AKAP7: variants seen among roughly 807,000 people sequenced by gnomAD.
AKAP7 encodes the protein A kinase (PRKA) anchor protein 7.
In AKAP7, 39 loss-of-function variants were observed where a neutral mutation model predicts 39.5. The ratio of observed to expected loss-of-function variants is 0.99; its 90% CI spans 0.76 to 1.29. The LOEUF is 1.29. Ranked by LOEUF, AKAP7 falls within the 50% of genes most tolerant of loss-of-function variation. The pLI is 0.00. For missense variants in AKAP7, 414 were observed against 407.7 expected (o/e 1.02, Z -0.13); for synonymous variants, 140 against 139.1 (o/e 1.01, Z -0.05).
At chr6:131,160,326 A>G in intron 3 of AKAP7, 128 bp downstream of exon 3, 1 of 903,684 alleles carries the variant, frequency 1.1e-6, no homozygotes, top group Non-Finnish European at 1.7e-6. Context: ...AGGACTGTCC[A>G]GGGAATATTT....
In AKAP7 at chr6:131,281,610, G is replaced by C; in HGVS notation, c.931G>C (p.Ala311Pro). ...KRLVENAVLK[A>P]VQQYLEETQN... ...GCTGGTGGAGAACGCGGTGCTCAAGGCTGTCCAGCAGTATCTGGAGGAAAC... is the reference window on the plus strand; with the variant it reads ...GCTGGTGGAGAACGCGGTGCTCAAGCCTGTCCAGCAGTATCTGGAGGAAAC... Residue 311 changes from alanine (A) to proline (P), a missense_variant, in exon 8 of 8, where the codon GCT (alanine) becomes CCT (proline). Coordinates refer to ENST00000431975, the MANE Select transcript of AKAP7 (RefSeq NM_016377.4). The surrounding 1 kb of genome is among the most constrained non-coding windows in gnomAD (Gnocchi z 4.0). The C allele has an allele frequency of 6.2e-7, 1 of 1,613,642 alleles. No homozygotes were observed. The highest frequency in any genetic ancestry group is 8.5e-7 in the Non-Finnish European group (1 of 1,179,796).
At chr6:131,268,379 CACTT>C (rs954996880) in intron 7 of AKAP7, among the ~76,000 whole-genome samples, 10 of 152,152 alleles carry the variant, frequency 6.6e-5, no homozygotes, top group African/African-American at 2.4e-4. Flanking sequence ...GGAAGAATGA[CACTT>C]AATTTACCTC....
rs1313775619 is a variant in AKAP7 at position 131,282,100 on chromosome 6, A to T, written c.*374A>T. The T allele has an allele frequency of 1.3e-5, 15 of 1,148,658 alleles. No individual in the cohort carries two copies. The highest frequency in any genetic ancestry group is 1.5e-5 in the Non-Finnish European group (14 of 935,912). 71.2% of individuals were successfully genotyped at this position (1,148,658 alleles called of 1,614,324 possible). On this transcript the variant is annotated 3_prime_UTR_variant, in exon 8 of 8. Transcript: ENST00000431975. The stretch of plus-strand genomic sequence containing the variant: ...GCTTAGCAGGGCATTTGACTACTTT[A>T]TCTGAGGCCAGAACTCTCACACACA...
Position 131,276,350 on chromosome 6 carries a change from A to G in AKAP7, c.851-5180A>G, listed in dbSNP as rs140352388. Among the ~76,000 whole-genome samples the G allele has an allele frequency of 5.7e-3, 864 of 152,170 alleles. 11 individuals are homozygous for G. Among genetic ancestry groups the G allele is most frequent in the Non-Finnish European group, 6.9e-3 (468 of 67,988 alleles). On this transcript the variant is annotated intron_variant, in intron 7 of 7. Transcript: ENST00000431975. ...CTCTGTTTCCTGGGGTACTGCAGCT[A>G]ATACTTTTGGCAGATAAGGGTCCCG...
intron 5 of AKAP7, among the ~76,000 whole-genome samples, chr6:131,188,106 A>C (rs1806045855): frequency 6.6e-6 from 1 of 152,248 alleles, no homozygotes; most frequent in African/African-American, 2.4e-5. Context: ...ATGTGCTTTT[A>C]AGAATGACAC....
At chr6:131,241,354 T>C in intron 7 of AKAP7, among the ~76,000 whole-genome samples, 1 of 151,992 alleles carries the variant, frequency 6.6e-6, no homozygotes, top group East Asian at 1.9e-4. Context: ...AGATTTTGGA[T>C]AGATTTTGCA....
chr6:131,136,470 G>C (rs1800552166), intron 1 of AKAP7, among the ~76,000 whole-genome samples: 1 of 152,136 alleles, frequency 6.6e-6, no homozygotes, highest in South Asian at 2.1e-4. Flanking sequence ...TATATAAATA[G>C]CAGTTAATCG....
chr6:131,258,233 G>GA (rs1813021556), intron 7 of AKAP7, among the ~76,000 whole-genome samples: 1 of 152,196 alleles, frequency 6.6e-6, no homozygotes, highest in African/African-American at 2.4e-5. Flanking sequence ...TGAAAGGTAT[G>GA]ATGATGAGTA....
chr6:131,234,898 T>G (rs1216296593), intron 7 of AKAP7, among the ~76,000 whole-genome samples: 1 of 151,732 alleles, frequency 6.6e-6, no homozygotes, highest in Non-Finnish European at 1.5e-5. Context: ...TTTTATTTTT[T>G]TATTATTATT....
At chr6:131,253,149 C>T (rs1475231056) in intron 7 of AKAP7, 2 of 1,559,612 alleles carry the variant, frequency 1.3e-6, no homozygotes, top group Non-Finnish European at 1.8e-6. Flanking sequence ...GCTATTTTAT[C>T]CTGCTTTTGC....
chr6:131,159,266 T>G (rs1213977576), intron 2 of AKAP7, among the ~76,000 whole-genome samples: 1 of 152,050 alleles, frequency 6.6e-6, no homozygotes, highest in Non-Finnish European at 1.5e-5. Context: ...GCTAATTTTT[T>G]ATATTTTTAG....
intron 5 of AKAP7, among the ~76,000 whole-genome samples, chr6:131,183,418 A>G (rs1224298389): frequency 6.6e-6 from 1 of 152,216 alleles, no homozygotes; most frequent in Non-Finnish European, 1.5e-5. Flanking sequence ...AGTTCAGGGC[A>G]GGAGGCTGAA....
chr6:131,164,511 A>G (rs1305371937), intron 3 of AKAP7: 1 of 448,768 alleles, frequency 2.2e-6, no homozygotes, highest in Non-Finnish European at 4.5e-6. Context: ...GCAACTCTTC[A>G]TGGTAATGCC....
At chr6:131,190,049 C>T (rs1324797891) in intron 5 of AKAP7, among the ~76,000 whole-genome samples, 1 of 152,146 alleles carries the variant, frequency 6.6e-6, no homozygotes, top group Admixed American at 6.6e-5. Context: ...AAACTTTTCT[C>T]ATCCCAAATA....
intron 6 of AKAP7, among the ~76,000 whole-genome samples, chr6:131,214,611 A>G (rs1284339186): frequency 1.3e-5 from 2 of 152,204 alleles, no homozygotes; most frequent in South Asian, 2.1e-4. Flanking sequence ...AATTTTTTCT[A>G]TGTATAAGTA....
At chr6:131,193,309 T>C (rs1367127736) in intron 5 of AKAP7, among the ~76,000 whole-genome samples, 1 of 152,184 alleles carries the variant, frequency 6.6e-6, no homozygotes, top group Non-Finnish European at 1.5e-5. Flanking sequence ...TATCAGATGC[T>C]TTTTCAGAAT....
At chr6:131,198,685 T>C (rs1410006548) in intron 5 of AKAP7, among the ~76,000 whole-genome samples, 1 of 152,164 alleles carries the variant, frequency 6.6e-6, no homozygotes, top group African/African-American at 2.4e-5. Flanking sequence ...CTCCTACTTA[T>C]AGAAGGCCTT....
At chr6:131,274,027 C>A (rs537493639) in intron 7 of AKAP7, among the ~76,000 whole-genome samples, 1 of 142,518 alleles carries the variant, frequency 7.0e-6, no homozygotes, top group South Asian at 2.2e-4. Flanking sequence ...TTTTCTTTTT[C>A]TTTTAGTACT....
intron 7 of AKAP7, among the ~76,000 whole-genome samples, chr6:131,273,903 A>T (rs902880008): frequency 1.3e-5 from 2 of 149,720 alleles, no homozygotes; most frequent in African/African-American, 4.9e-5. Flanking sequence ...TTTTTGAAAG[A>T]TAATATTTTT....
Sources: gnomAD v4.1 joint callset for allele counts (sites outside exome capture counted in the v4.1 genomes callset) on GRCh38, gnomAD v4.1.1 for gene constraint, Gnocchi (gnomAD v3.1) non-coding constraint, MANE v1.5 for transcripts, NCBI Gene and HGNC (gene_info 2026-07-23, HGNC 2026-07-21) for gene names.